The following LRRFIP1 variants were observed in gnomAD, a reference collection of about 807,000 sequenced individuals.
LRRFIP1 encodes LRR binding FLII interacting protein 1, also known as leucine-rich repeat flightless-interacting protein 1.
In LRRFIP1, 62 loss-of-function variants were observed where a neutral mutation model predicts 104.4. That is an observed-to-expected ratio of 0.59 (90% CI 0.48 to 0.73). The LOEUF (loss-of-function observed/expected upper bound fraction) is 0.73. LRRFIP1 is among the 30% of genes least tolerant of loss of function. The pLI is 0.00. For synonymous variants in LRRFIP1, 300 were observed against 299.0 expected, an observed-to-expected ratio of 1.00 and a Z score of -0.03; for missense variants, 796 against 824.5, an observed-to-expected ratio of 0.97 and a Z score of 0.42.
At chr2:237,774,266 T>C (rs1373727331) in intron 22 of LRRFIP1, 92 bp from the exon 23 acceptor site, 1 of 756,848 alleles carries the variant, frequency 1.3e-6, no homozygotes, top group Non-Finnish European at 2.2e-6. Context: ...TCCCATTTTA[T>C]TAAATCACAC....
intron 14 of LRRFIP1, 59 bp downstream of exon 14, chr2:237,751,330 A>C (rs1576246865): frequency 1.5e-6 from 2 of 1,295,764 alleles, no homozygotes; most frequent in Non-Finnish European, 2.1e-6. Flanking sequence ...TAAAAAAAAA[A>C]ACAACATCCT....
rs952185011 is a variant in LRRFIP1 at position 237,661,713 on chromosome 2, A to C, written c.96+33973A>C. Among the ~76,000 whole-genome samples, 3 of 152,154 alleles carry C rather than the reference A, an allele frequency of 2.0e-5. No individual in the cohort carries two copies. Among genetic ancestry groups the C allele is most frequent in the Admixed American group, 6.5e-5 (1 of 15,282 alleles). ...AGTTGTGTCCCTGGTGCAACACGGG[A>C]GTGGGCACACATTCTCTGTGCTGTG... On this transcript the variant is annotated intron_variant, in intron 1 of 23. Coordinates refer to ENST00000308482, the MANE Select transcript of LRRFIP1 (RefSeq NM_001137550.2). This position sits in a 1 kb window ranked among gnomAD's most constrained non-coding sequence, Gnocchi z 4.4.
chr2:237,687,823 C>T (rs1399630492), intron 1 of LRRFIP1, among the ~76,000 whole-genome samples: 1 of 152,178 alleles, frequency 6.6e-6, no homozygotes, highest in Non-Finnish European at 1.5e-5. Context: ...GTGTCCTCCC[C>T]GTCTGCCCTC....
intron 23 of LRRFIP1, among the ~76,000 whole-genome samples, chr2:237,774,669 A>G (rs2060930872): frequency 6.6e-6 from 1 of 152,240 alleles, no homozygotes; most frequent in Non-Finnish European, 1.5e-5. Flanking sequence ...TGCTGGCATC[A>G]ACTAGTTCAT....
At position 237,766,402 on chromosome 2, in the gene LRRFIP1, A is replaced by G. The variant is rs567041521; in HGVS notation, c.1460-3541A>G. Among the ~76,000 whole-genome samples, 4 of 152,296 alleles carry G rather than the reference A, an allele frequency of 2.6e-5. No individual in the cohort carries two copies. The East Asian group carries it at 5.8e-4, about 22-fold the overall frequency. ...CTAACTTTAGCAAAGCTGCATTCCT[A>G]TTGGAATGCATACTGGAAACAGCTC... On this transcript the variant is annotated intron_variant, in intron 19 of 23. Transcript: ENST00000308482. The surrounding 1 kb of genome is among the most constrained non-coding windows in gnomAD (Gnocchi z 4.8).
At chr2:237,720,925 C>A in intron 6 of LRRFIP1, 103 bp downstream of exon 6, 1 of 1,003,162 alleles carries the variant, frequency 1.0e-6, no homozygotes, top group Non-Finnish European at 1.6e-6. Flanking sequence ...TCCCCGTGGT[C>A]TGATAGTCAA....
chr2:237,721,438 C>T (rs939798691), intron 6 of LRRFIP1: 5 of 152,150 alleles, frequency 3.3e-5, no homozygotes, highest in Non-Finnish European at 7.3e-5. Context: ...AATAATTATA[C>T]TTGAAAAAAG....
intron 1 of LRRFIP1, among the ~76,000 whole-genome samples, chr2:237,650,344 C>T (rs1256182225): frequency 6.6e-6 from 1 of 151,836 alleles, no homozygotes; most frequent in African/African-American, 2.4e-5. Context: ...GGAGGGGAGA[C>T]AGCTGGGGGC....
rs550730197 is a variant in LRRFIP1, at chr2:237,717,538, T to C, written c.202-224T>C. 2.6e-5 allele frequency among the ~76,000 whole-genome samples: 4 copies of C among 152,164 alleles called. No individual in the cohort carries two copies. The South Asian group carries it at 8.3e-4, about 32-fold the overall frequency. On this transcript the variant is annotated intron_variant, in intron 3 of 23. Transcript: ENST00000308482. The surrounding 1 kb of genome is among the most constrained non-coding windows in gnomAD (Gnocchi z 4.2). The stretch of plus-strand genomic sequence containing the variant: ...GCTCTCTTGCTTTGCCGGGATGGGG[T>C]GGGCTGGGAGGATCTCTCTTCACAG...
chr2:237,711,753 A>G lies in LRRFIP1; in HGVS notation c.184-2506A>G, dbSNP rs918949889. 6.6e-6 allele frequency among the ~76,000 whole-genome samples: 1 copy of G among 152,110 alleles called. No individual in the cohort carries two copies. Among genetic ancestry groups the G allele is most frequent in the African/African-American group, 2.4e-5 (1 of 41,428 alleles). Reference sequence around the variant, plus strand: ...GGGCAGAGAAATGAACGTGGCCAAGATGGTGAGTGAGGACACCGAGTGAAG... The same window carrying G: ...GGGCAGAGAAATGAACGTGGCCAAGGTGGTGAGTGAGGACACCGAGTGAAG... On this transcript the variant is annotated intron_variant, in intron 2 of 23. Coordinates refer to ENST00000308482, the MANE Select transcript of LRRFIP1 (RefSeq NM_001137550.2). The surrounding 1 kb of genome is among the most constrained non-coding windows in gnomAD (Gnocchi z 4.4).
intron 1 of LRRFIP1, among the ~76,000 whole-genome samples, chr2:237,638,606 A>G (rs1406972950): frequency 6.6e-6 from 1 of 152,246 alleles, no homozygotes; most frequent in Non-Finnish European, 1.5e-5. Flanking sequence ...GTGTCTGTGC[A>G]GTGCACTGTG....
At chr2:237,771,567 C>CCG (rs1559863441) in intron 20 of LRRFIP1, among the ~76,000 whole-genome samples, 4 of 88,320 alleles carry the variant, frequency 4.5e-5, no homozygotes, top group African/African-American at 1.7e-4. Context: ...CCCCCCCCCG[C>CCG]CCAGATACCA....
Position 237,735,155 on chromosome 2 carries a change from T to C in LRRFIP1, c.490-113T>C, listed in dbSNP as rs1168029466. Reference sequence around the variant, plus strand: ...TTCTCAGCCTCCCCTGCATGCTTTTTCAGGTCATGCTCCTGGCACGTGTCA... The same window carrying C: ...TTCTCAGCCTCCCCTGCATGCTTTTCCAGGTCATGCTCCTGGCACGTGTCA... On this transcript the variant is annotated intron_variant, in intron 9 of 23. Coordinates refer to ENST00000308482, the MANE Select transcript of LRRFIP1 (RefSeq NM_001137550.2). The surrounding 1 kb of genome is among the most constrained non-coding windows in gnomAD (Gnocchi z 4.6). 1 of 779,930 alleles carries C rather than the reference T, an allele frequency of 1.3e-6. No homozygotes were observed. Among genetic ancestry groups the C allele is most frequent in the South Asian group, 1.8e-5 (1 of 57,078 alleles). The allele number at this position is 779,930 out of a possible 1,614,324, so 48.3% of individuals were successfully genotyped here.
chr2:237,756,027 GAGAGCCTGAACTGGCATGCC>G (rs1302660789), intron 15 of LRRFIP1, 48 bp from the exon 16 acceptor site: 9 of 970,532 alleles, frequency 9.3e-6, no homozygotes, highest in Non-Finnish European at 1.5e-5. Context: ...TATAAATCGT[GAGAGCCTGAACTGGCATGCC>G]AGAAACATGG....
chr2:237,720,990 G>A (rs2094518451), intron 6 of LRRFIP1, 168 bp downstream of exon 6: 1 of 630,396 alleles, frequency 1.6e-6, no homozygotes, highest in South Asian at 1.9e-5. Flanking sequence ...ATGTTTCTTT[G>A]TTGCTGTAGA....
chr2:237,633,606 AG>A (rs1203916477), intron 1 of LRRFIP1, among the ~76,000 whole-genome samples: 1 of 152,002 alleles, frequency 6.6e-6, no homozygotes, highest in Non-Finnish European at 1.5e-5. Flanking sequence ...GAAAGGAGAG[AG>A]GGGCGAATGG....
chr2:237,771,551 T>TCCCCCCCCCCCCCCCCCCCCC (rs772060776), intron 20 of LRRFIP1, among the ~76,000 whole-genome samples: 1 of 50,010 alleles, frequency 2.0e-5, no homozygotes, highest in Admixed American at 3.6e-4. Flanking sequence ...CTGGAACCAA[T>TCCCCCCCCCCCCCCCCCCCCC]CCCCCCCCCC....
rs558254222 is a variant in LRRFIP1 at position 237,630,063 on chromosome 2, T to G, written c.96+2323T>G. ...AGAAAGTGGGTAGCAATGTAAAGTA[T>G]GTAACTAGGCGGTGGGTAAATATGA... is the stretch of plus-strand genomic sequence containing the variant. On this transcript the variant is annotated intron_variant, in intron 1 of 23. Transcript: ENST00000308482. 4.6e-5 allele frequency among the ~76,000 whole-genome samples: 7 copies of G among 152,322 alleles called. No homozygotes were observed. In the South Asian group the frequency reaches 1.4e-3, roughly 32 times the overall value.
In LRRFIP1 at chr2:237,751,220, C is replaced by A; in HGVS notation, c.816C>A (p.Asp272Glu). 6.2e-7 allele frequency: 1 copy of A among 1,609,888 alleles called. No individual in the cohort carries two copies. Among genetic ancestry groups the A allele is most frequent in the Non-Finnish European group, 8.5e-7 (1 of 1,178,212 alleles). The change falls in exon 14 of 24, where the codon GAC becomes GAA. Residue 272 changes from aspartate to glutamate, a missense_variant. Physicochemically the swap from Asp to Glu is conservative, Grantham distance 45. Transcript: ENST00000308482. The part of the protein sequence containing the change: ...REIKELNELK[D>E]QIQDVEGKYM... ...CCCAGGAACTCAATGAGTTAAAGGA[C>A]CAGATTCAGGATGTAGAAGGCAAAT...
Sources: gnomAD v4.1 joint callset for allele counts (sites outside exome capture counted in the v4.1 genomes callset) on GRCh38, gnomAD v4.1.1 for gene constraint, Gnocchi (gnomAD v3.1) non-coding constraint, MANE v1.5 for transcripts, NCBI Gene and HGNC (gene_info 2026-07-23, HGNC 2026-07-21) for gene names.